Variants in GPBP1 observed in about 807,000 individuals in gnomAD.
GPBP1 encodes the protein vasculin.
Under a neutral mutation model 56.5 loss-of-function variants are expected in GPBP1, and 13 were observed. The ratio of observed to expected loss-of-function variants is 0.23; its 90% CI spans 0.15 to 0.37. The LOEUF is 0.37. Ranked by LOEUF, GPBP1 falls within the 10% of genes least tolerant of loss-of-function variation. The pLI, the probability that GPBP1 is intolerant of heterozygous loss-of-function variation, is 1.00. For missense variants in GPBP1, 477 were observed against 572.3 expected, an observed-to-expected ratio of 0.83 and a Z score of 1.70; for synonymous variants, 204 against 188.9, an observed-to-expected ratio of 1.08 and a Z score of -0.66.
At chr5:57,184,533 A>G (rs831643) in intron 2 of GPBP1, among the ~76,000 whole-genome samples, 34,235 of 152,034 alleles carry the variant, frequency 0.23, 4,866 homozygotes, top group Middle Eastern at 0.33. Flanking sequence ...CTGGTGAACT[A>G]TCAGCAAGAA....
intron 4 of GPBP1, 43 bp downstream of exon 4, chr5:57,231,012 A>G: frequency 1.3e-6 from 2 of 1,584,172 alleles, no homozygotes; most frequent in Non-Finnish European, 8.6e-7. Context: ...AATTTTCTTT[A>G]TGATTTTTAA....
rs145259456 is a variant in GPBP1 at position 57,261,446 on chromosome 5, C to T, written c.1263+164C>T. Among the ~76,000 whole-genome samples the T allele has an allele frequency of 1.1e-4, 17 of 151,806 alleles. 1 individual carries two copies. In the East Asian group the frequency reaches 3.3e-3, roughly 29 times the overall value. On this transcript the variant is annotated intron_variant, in intron 11 of 11. Coordinates refer to ENST00000506184, the MANE Select transcript of GPBP1 (RefSeq NM_022913.4). ...GAGGACAGGCTTTTGCTATGGTGTCCAGCTGGCCTCTAGAACTCCTGGGTG... is the reference window on the plus strand; with the variant it reads ...GAGGACAGGCTTTTGCTATGGTGTCTAGCTGGCCTCTAGAACTCCTGGGTG...
chr5:57,206,096 T>C (rs1164939067), intron 2 of GPBP1, among the ~76,000 whole-genome samples: 4 of 152,106 alleles, frequency 2.6e-5, no homozygotes, highest in African/African-American at 9.7e-5. Context: ...AGTTGTCTGT[T>C]TGTTGTTGAG....
chr5:57,200,021 CTTTTTTTTTTTTTTTTTT>C (rs61426559), intron 2 of GPBP1, among the ~76,000 whole-genome samples: 1 of 58,886 alleles, frequency 1.7e-5, no homozygotes, highest in African/African-American at 7.9e-5. Context: ...ACTTGAAAAT[CTTTTTTTTTTTTTTTTTT>C]TTTTTTTTTT....
chr5:57,259,759 C>CTCTGGTGAAGCTTTCCCAGGCATTTT, intron 10 of GPBP1, among the ~76,000 whole-genome samples: 4 of 151,638 alleles, frequency 2.6e-5, no homozygotes, highest in Non-Finnish European at 5.9e-5. Context: ...GTTAAGGACT[C>CTCTGGTGAAGCTTTCCCAGGCATTTT]TCTGGTGAAG....
intron 2 of GPBP1, among the ~76,000 whole-genome samples, chr5:57,179,125 C>T (rs1396314930): frequency 6.6e-6 from 1 of 152,226 alleles, no homozygotes; most frequent in Non-Finnish European, 1.5e-5. Flanking sequence ...CTCCAGAGCA[C>T]ATACTCAGCA....
intron 3 of GPBP1, among the ~76,000 whole-genome samples, chr5:57,228,964 T>A (rs1399342205): frequency 6.6e-6 from 1 of 152,062 alleles, no homozygotes; most frequent in East Asian, 1.9e-4. Flanking sequence ...GTGCAGTGGC[T>A]CACTCCTATA....
intron 9 of GPBP1, among the ~76,000 whole-genome samples, chr5:57,250,077 G>A (rs151327555): frequency 0.015 from 1,994 of 137,312 alleles, 118 homozygotes; most frequent in East Asian, 0.099. Flanking sequence ...CCAGGTTCAA[G>A]CAATTCTTGT....
rs192478872 is a variant in GPBP1, at chr5:57,259,762, T to C, written c.1161-1418T>C. ...AGGAGTATTGTGGTTAAGGACTCTCTGGTGAAGCTTTCCCAGGCATTTTTC... is the reference window on the plus strand; with the variant it reads ...AGGAGTATTGTGGTTAAGGACTCTCCGGTGAAGCTTTCCCAGGCATTTTTC... On this transcript the variant is annotated intron_variant, in intron 10 of 11. Transcript: ENST00000506184. Among the ~76,000 whole-genome samples, 222 of 152,362 alleles carry C rather than the reference T, an allele frequency of 1.5e-3. 2 individuals are homozygous for C. The highest frequency in any genetic ancestry group is 5.1e-3 in the African/African-American group (211 of 41,596).
chr5:57,207,104 G>A (rs551631552), intron 2 of GPBP1, among the ~76,000 whole-genome samples: 8 of 152,008 alleles, frequency 5.3e-5, no homozygotes, highest in Non-Finnish European at 8.8e-5. Context: ...ACTTTGTCTC[G>A]AAAAATAATC....
At position 57,247,331 on chromosome 5, in the gene GPBP1, A is replaced by G; in HGVS notation, c.804+116A>G. Reference sequence around the variant, plus strand: ...ACATTAAAATGAGTTTCATTCCTTCAGAAAACTGGATTCATTTACTTCATT... The same window carrying G: ...ACATTAAAATGAGTTTCATTCCTTCGGAAAACTGGATTCATTTACTTCATT... On this transcript the variant is annotated intron_variant, in intron 8 of 11. Transcript: ENST00000506184. 9.4e-6 allele frequency: 8 copies of G among 850,150 alleles called. No individual in the cohort carries two copies. In the South Asian group the frequency reaches 9.8e-5, roughly 10 times the overall value. 52.7% of individuals were successfully genotyped at this position (850,150 alleles called of 1,614,324 possible).
At chr5:57,234,848 G>T (rs1024909975) in intron 5 of GPBP1, among the ~76,000 whole-genome samples, 4 of 150,062 alleles carry the variant, frequency 2.7e-5, no homozygotes, top group African/African-American at 9.8e-5. Context: ...CAAGAAACTG[G>T]ATTGTGCCCA....
intron 2 of GPBP1, among the ~76,000 whole-genome samples, chr5:57,181,326 C>A (rs1008407451): frequency 3.3e-5 from 5 of 151,796 alleles, no homozygotes; most frequent in African/African-American, 1.2e-4. Flanking sequence ...CAGAGTGACA[C>A]CCTGCCTCAA....
At position 57,237,351 on chromosome 5, in the gene GPBP1, A is replaced by T. The variant is rs1740571903; in HGVS notation, c.478+1319A>T. The T allele has an allele frequency of 4.9e-6, 3 of 613,164 alleles. No individual in the cohort carries two copies. The East Asian group carries it at 8.3e-5, about 17-fold the overall frequency. 38.0% of individuals were successfully genotyped at this position (613,164 alleles called of 1,614,324 possible). On this transcript the variant is annotated intron_variant, in intron 6 of 11. Transcript: ENST00000506184. ...GTTTGTCATATAAAACTATCTATAG[A>T]TACTATTGGTACTGATCCTGGGTTG...
intron 6 of GPBP1, chr5:57,237,235 C>T (rs1756696349): frequency 9.4e-6 from 10 of 1,060,752 alleles, no homozygotes; most frequent in Non-Finnish European, 1.4e-5. Context: ...ATAGAACCAC[C>T]TGGAAGGTGT....
At chr5:57,223,112 CTTGT>C (rs60472942) in intron 3 of GPBP1, among the ~76,000 whole-genome samples, 41,237 of 151,650 alleles carry the variant, frequency 0.27, 6,181 homozygotes, top group East Asian at 0.7. Context: ...TTTTCTACAG[CTTGT>C]TTGATATTTT....
At chr5:57,207,033 G>T (rs1755261762) in intron 2 of GPBP1, among the ~76,000 whole-genome samples, 4 of 152,120 alleles carry the variant, frequency 2.6e-5, no homozygotes, top group Admixed American at 2.6e-4. Flanking sequence ...GCACCCAGGT[G>T]GTGGAGGCTG....
chr5:57,199,281 TA>T (rs555065022), intron 2 of GPBP1, among the ~76,000 whole-genome samples: 14 of 152,330 alleles, frequency 9.2e-5, no homozygotes, highest in African/African-American at 3.4e-4. Flanking sequence ...AGTTTCTGAC[TA>T]TTTTTTATAG....
chr5:57,244,358 A>T (rs918721195), intron 6 of GPBP1, among the ~76,000 whole-genome samples: 2 of 152,206 alleles, frequency 1.3e-5, no homozygotes, highest in African/African-American at 4.8e-5. Context: ...CCTTACAGTA[A>T]TTTTAATATA....
Sources: gnomAD v4.1 joint callset for allele counts (sites outside exome capture counted in the v4.1 genomes callset) on GRCh38, gnomAD v4.1.1 for gene constraint, MANE v1.5 for transcripts, NCBI Gene and HGNC (gene_info 2026-07-23, HGNC 2026-07-21) for gene names.